The following TNFSF11 variants were observed in gnomAD, a reference collection of about 807,000 sequenced individuals.
The protein encoded by TNFSF11 is TNF superfamily member 11.
Under a neutral mutation model 32.2 loss-of-function variants are expected in TNFSF11, and 12 were observed. That is an observed-to-expected ratio of 0.37 (90% CI 0.24 to 0.60). The LOEUF is 0.60. TNFSF11 is among the 20% of genes least tolerant of loss of function. TNFSF11 has a pLI of 0.66. For missense variants in TNFSF11, 345 were observed against 398.0 expected, an observed-to-expected ratio of 0.87 and a Z score of 1.13; for synonymous variants, 172 against 152.1, an observed-to-expected ratio of 1.13 and a Z score of -0.96.
chr13:42,579,976 T>C (rs942102425), intron 1 of TNFSF11, among the ~76,000 whole-genome samples: 2 of 152,174 alleles, frequency 1.3e-5, no homozygotes, highest in Non-Finnish European at 2.9e-5. Flanking sequence ...GGATAGGCTC[T>C]TTTTAGTTTA....
At chr13:42,591,466 G>A (rs1868469251) in intron 2 of TNFSF11, among the ~76,000 whole-genome samples, 1 of 152,018 alleles carries the variant, frequency 6.6e-6, no homozygotes, top group African/African-American at 2.4e-5. Context: ...CCTTCCTGGT[G>A]TCTTATAGGG....
chr13:42,603,776 C>T (rs748474976), intron 4 of TNFSF11, among the ~76,000 whole-genome samples: 18 of 152,114 alleles, frequency 1.2e-4, no homozygotes, highest in Admixed American at 1.1e-3. Flanking sequence ...TTTATATGCT[C>T]ATTTTCTATT....
At chr13:42,575,744 A>G (rs532438930) in intron 1 of TNFSF11, among the ~76,000 whole-genome samples, 1 of 152,374 alleles carries the variant, frequency 6.6e-6, no homozygotes, top group African/African-American at 2.4e-5. Context: ...GAAAATCTGC[A>G]TTAAATATAA....
chr13:42,571,513 TG>T, upstream of TNFSF11: 1 of 152,144 alleles, frequency 6.6e-6, no homozygotes, highest in Admixed American at 6.5e-5. Flanking sequence ...GGACCAGAGA[TG>T]TGCACCAAAA....
rs550742521 is a variant in TNFSF11 at position 42,591,602 on chromosome 13, A to G, written c.388-9150A>G. ...TCTTTGCTTTGGGTGTTTTTGCACTATGGGCTCTTCATAAGGAACCAGGGG... is the reference window on the plus strand; with the variant it reads ...TCTTTGCTTTGGGTGTTTTTGCACTGTGGGCTCTTCATAAGGAACCAGGGG... On this transcript the variant is annotated intron_variant, in intron 2 of 4. Coordinates refer to ENST00000398795, the MANE Select transcript of TNFSF11 (RefSeq NM_003701.4). Among the ~76,000 whole-genome samples, 18 of 152,288 alleles carry G rather than the reference A, an allele frequency of 1.2e-4. No individual in the cohort carries two copies. In the South Asian group the frequency reaches 3.7e-3, roughly 32 times the overall value.
intron 2 of TNFSF11, 105 bp downstream of exon 2, chr13:42,581,398 T>C (rs1187342991): frequency 5.4e-6 from 7 of 1,298,882 alleles, no homozygotes; most frequent in Non-Finnish European, 7.6e-6. Context: ...TTTATTCTAA[T>C]AATTTGTAAA....
chr13:42,585,199 T>A (rs1237746458), intron 2 of TNFSF11, among the ~76,000 whole-genome samples: 1 of 152,234 alleles, frequency 6.6e-6, no homozygotes, highest in African/African-American at 2.4e-5. Flanking sequence ...CTCTTGCCAA[T>A]GCTAAAAATA....
upstream of TNFSF11, among the ~76,000 whole-genome samples, chr13:42,573,382 G>A (rs923338452): frequency 2.0e-5 from 3 of 152,180 alleles, no homozygotes; most frequent in Non-Finnish European, 4.4e-5. Context: ...CTGAATAGAG[G>A]TTTTTAAAAA....
intron 2 of TNFSF11, among the ~76,000 whole-genome samples, chr13:42,597,420 CA>C (rs1370823466): frequency 7.4e-6 from 1 of 135,428 alleles, no homozygotes; most frequent in Non-Finnish European, 1.5e-5. Flanking sequence ...TTTCCTGAAA[CA>C]AAATGGGTCC....
chr13:42,594,945 AT>A (rs11288205), intron 2 of TNFSF11, among the ~76,000 whole-genome samples: 27,620 of 151,272 alleles, frequency 0.18, 2,642 homozygotes, highest in East Asian at 0.3. Flanking sequence ...AGAAGTTGAA[AT>A]TTAAAAAAAA....
At chr13:42,588,175 G>T (rs1465961630) in intron 2 of TNFSF11, among the ~76,000 whole-genome samples, 2 of 152,324 alleles carry the variant, frequency 1.3e-5, no homozygotes, top group Admixed American at 6.5e-5. Context: ...GTTTATAAAA[G>T]CTGTCTTTAT....
At chr13:42,579,657 C>CCTG (rs1873500649) in intron 1 of TNFSF11, among the ~76,000 whole-genome samples, 1 of 145,070 alleles carries the variant, frequency 6.9e-6, no homozygotes, top group Non-Finnish European at 1.5e-5. Flanking sequence ...ATATCAGTTG[C>CCTG]CTGGACTTTT....
upstream of TNFSF11, among the ~76,000 whole-genome samples, chr13:42,570,605 T>C (rs886282459): frequency 6.6e-6 from 1 of 152,224 alleles, no homozygotes; most frequent in Admixed American, 6.5e-5. Flanking sequence ...AATGACTTAA[T>C]TGATTAGTTG....
chr13:42,605,235 G>C (rs1315390758), intron 4 of TNFSF11, among the ~76,000 whole-genome samples: 1 of 152,160 alleles, frequency 6.6e-6, no homozygotes, highest in Non-Finnish European at 1.5e-5. Flanking sequence ...TTGTGGTTGG[G>C]TGTGACAGGC....
rs775270513 is a variant in TNFSF11 at position 42,574,319 on chromosome 13, A to G, written c.16A>G (p.Arg6Gly). 1 of 1,545,730 alleles carries G rather than the reference A, an allele frequency of 6.5e-7. No individual in the cohort carries two copies. Among genetic ancestry groups the G allele is most frequent in the South Asian group, 1.2e-5 (1 of 83,844 alleles). The change falls in exon 1 of 5, where the codon AGA (arginine) becomes GGA (glycine). Residue 6 changes from arginine (R) to glycine (G), a missense_variant. Physicochemically the swap from Arg to Gly is moderately radical, Grantham distance 125. This residue lies in a region of TNFSF11 where 197 missense variants were observed against 182.0 expected (regional missense o/e 1.08). Coordinates refer to ENST00000398795, the MANE Select transcript of TNFSF11 (RefSeq NM_003701.4). MRRAS[R>G]DYTKYLRGSE... ...GCCGAGCGCCATGCGCCGCGCCAGC[A>G]GAGACTACACCAAGTACCTGCGTGG...
At chr13:42,575,719 A>G (rs1383348050) in intron 1 of TNFSF11, among the ~76,000 whole-genome samples, 1 of 152,244 alleles carries the variant, frequency 6.6e-6, no homozygotes, top group Admixed American at 6.5e-5. Flanking sequence ...TAGAAATGCA[A>G]TGAGCCACAC....
intron 1 of TNFSF11, among the ~76,000 whole-genome samples, chr13:42,576,887 G>T (rs1401530580): frequency 1.3e-5 from 2 of 152,220 alleles, no homozygotes; most frequent in Non-Finnish European, 2.9e-5. Flanking sequence ...GCGCTGATGC[G>T]TGCCTAGGGG....
intron 2 of TNFSF11, among the ~76,000 whole-genome samples, chr13:42,592,968 A>G (rs1279748207): frequency 2.6e-5 from 4 of 152,160 alleles, no homozygotes; most frequent in Non-Finnish European, 5.9e-5. Flanking sequence ...ACCGTAAGCC[A>G]ATTAAACCTC....
intron 2 of TNFSF11, among the ~76,000 whole-genome samples, chr13:42,594,135 A>G (rs554685149): frequency 2.5e-4 from 38 of 152,124 alleles, no homozygotes; most frequent in Admixed American, 4.6e-4. Context: ...GCTGGAGTGC[A>G]GTGGTGTGAT....
Sources: allele counts gnomAD v4.1 joint callset (sites outside exome capture counted in the v4.1 genomes callset), GRCh38; gene constraint gnomAD v4.1.1; regional missense constraint gnomAD v4.1.1; transcripts MANE v1.5; gene names NCBI Gene and HGNC (gene_info 2026-07-23, HGNC 2026-07-21).